The following SBF2 variants were observed in gnomAD, a reference collection of about 807,000 sequenced individuals.
SBF2 encodes the protein SET binding factor 2, also known as myotubularin-related protein 13.
SBF2 carries 112 observed loss-of-function variants against 225.2 expected under a neutral mutation model. The observed-to-expected ratio is 0.50, with a 90% CI of 0.43 to 0.58. The LOEUF is 0.58. Among genes scored for constraint, SBF2 ranks in the 20% least tolerant of loss-of-function variants. The pLI, the probability that SBF2 is intolerant of heterozygous loss-of-function variation, is 0.00. For synonymous variants in SBF2, 763 were observed against 773.3 expected (o/e 0.99, Z 0.22); for missense variants, 1,996 against 2,206.2 (o/e 0.90, Z 1.91).
At chr11:9,848,558 G>A (rs527246032) in intron 22 of SBF2, among the ~76,000 whole-genome samples, 5 of 152,122 alleles carry the variant, frequency 3.3e-5, no homozygotes, top group African/African-American at 9.6e-5. Flanking sequence ...TTCACACTAC[G>A]CATAACTTCA....
intron 17 of SBF2, among the ~76,000 whole-genome samples, chr11:9,884,568 G>A (rs761887541): frequency 6.1e-4 from 93 of 152,238 alleles, no homozygotes; most frequent in Non-Finnish European, 8.5e-4. Context: ...TTTTGGTGGC[G>A]TACTTTCTCC....
chr11:10,038,534 C>A (rs1191507940), intron 3 of SBF2, among the ~76,000 whole-genome samples: 2 of 151,846 alleles, frequency 1.3e-5, no homozygotes, highest in Non-Finnish European at 2.9e-5. Flanking sequence ...TTCCAGTTGC[C>A]TAGTCTGCAA....
intron 26 of SBF2, among the ~76,000 whole-genome samples, chr11:9,832,737 G>C (rs1174852007): frequency 6.6e-6 from 1 of 151,944 alleles, no homozygotes; most frequent in Non-Finnish European, 1.5e-5. Flanking sequence ...CATTGTGCCT[G>C]GCCAACATAT....
At chr11:10,222,124 A>G (rs1958362276) in intron 1 of SBF2, among the ~76,000 whole-genome samples, 1 of 152,212 alleles carries the variant, frequency 6.6e-6, no homozygotes, top group Non-Finnish European at 1.5e-5. Context: ...CAGAGCTTGC[A>G]GTTTTTGTCC....
intron 19 of SBF2, among the ~76,000 whole-genome samples, chr11:9,854,164 A>T (rs1250970859): frequency 6.6e-6 from 1 of 152,194 alleles, no homozygotes; most frequent in African/African-American, 2.4e-5. Flanking sequence ...CCTGGTAGGC[A>T]AAGTAAGAGA....
chr11:9,910,716 CT>C (rs1227500744), intron 16 of SBF2, among the ~76,000 whole-genome samples: 2 of 149,998 alleles, frequency 1.3e-5, no homozygotes, highest in Non-Finnish European at 1.5e-5. Context: ...AAAAAAACAA[CT>C]TTTTTTTACT....
At chr11:10,147,680 C>T (rs541768191) in intron 2 of SBF2, among the ~76,000 whole-genome samples, 2 of 152,072 alleles carry the variant, frequency 1.3e-5, no homozygotes, top group South Asian at 4.2e-4. Context: ...ATAAATTTAC[C>T]TATATAAAAA....
chr11:9,834,937 AAGATCT>A (rs1347899819), intron 26 of SBF2, among the ~76,000 whole-genome samples: 1 of 152,158 alleles, frequency 6.6e-6, no homozygotes, highest in Non-Finnish European at 1.5e-5. Context: ...TGTTACATAC[AAGATCT>A]ATGGCTCTCT....
intron 2 of SBF2, among the ~76,000 whole-genome samples, chr11:10,055,524 T>TACACACAC (rs3993326): frequency 1.4e-4 from 19 of 133,742 alleles, no homozygotes; most frequent in East Asian, 1.3e-3. Context: ...AAGAAAATGA[T>TACACACAC]ACACACACAC....
At chr11:9,968,991 G>A (rs1867149163) in intron 13 of SBF2, among the ~76,000 whole-genome samples, 1 of 151,778 alleles carries the variant, frequency 6.6e-6, no homozygotes, top group Admixed American at 6.6e-5. Context: ...ATACCCACAT[G>A]TTTAACTCTC....
intron 17 of SBF2, among the ~76,000 whole-genome samples, chr11:9,862,668 T>C (rs1458753785): frequency 6.6e-6 from 1 of 152,214 alleles, no homozygotes; most frequent in Admixed American, 6.5e-5. Context: ...GTAGCAGTAA[T>C]TTTAGTAAAC....
chr11:9,808,649 C>T (rs1853987696), intron 31 of SBF2: 1 of 442,226 alleles, frequency 2.3e-6, no homozygotes, highest in East Asian at 4.7e-5. Context: ...TGGTCAAGGG[C>T]TCCATCCGCA....
intron 2 of SBF2, among the ~76,000 whole-genome samples, chr11:10,155,346 G>A (rs376196643): frequency 1.3e-5 from 2 of 151,292 alleles, no homozygotes; most frequent in African/African-American, 2.4e-5. Context: ...ATTAAATTTT[G>A]TAACACTGTT....
At chr11:10,100,165 A>G (rs1206620638) in intron 2 of SBF2, among the ~76,000 whole-genome samples, 2 of 152,248 alleles carry the variant, frequency 1.3e-5, no homozygotes, top group Non-Finnish European at 2.9e-5. Context: ...CATTTTGTAA[A>G]AATGGAAACC....
intron 3 of SBF2, among the ~76,000 whole-genome samples, chr11:10,036,583 T>C (rs1285009050): frequency 6.6e-6 from 1 of 152,206 alleles, no homozygotes; most frequent in Non-Finnish European, 1.5e-5. Context: ...ATTTAAAATC[T>C]ATGCTACCTA....
At chr11:9,908,851 ATTTT>A (rs34026186) in intron 16 of SBF2, among the ~76,000 whole-genome samples, 1 of 125,364 alleles carries the variant, frequency 8.0e-6, no homozygotes. Context: ...CGCATGGCTA[ATTTT>A]TTTTTTTTTT....
chr11:10,033,513 G>A (rs1214427087), intron 3 of SBF2, among the ~76,000 whole-genome samples: 2 of 151,944 alleles, frequency 1.3e-5, no homozygotes, highest in African/African-American at 2.4e-5. Context: ...TTTTTATTAC[G>A]ATGTTGACTT....
At chr11:10,224,775 T>C (rs1958474531) in intron 1 of SBF2, among the ~76,000 whole-genome samples, 1 of 152,320 alleles carries the variant, frequency 6.6e-6, no homozygotes, top group Non-Finnish European at 1.5e-5. Context: ...TCTAACACTA[T>C]ATTTTCCCTT....
At chr11:9,912,634 A>G (rs1027554004) in intron 16 of SBF2, among the ~76,000 whole-genome samples, 1 of 152,328 alleles carries the variant, frequency 6.6e-6, no homozygotes, top group East Asian at 1.9e-4. Context: ...AGTGTATTTT[A>G]TCTGTGGCCC....
Sources: gnomAD v4.1 joint callset for allele counts (sites outside exome capture counted in the v4.1 genomes callset) on GRCh38, gnomAD v4.1.1 for gene constraint, MANE v1.5 for transcripts, NCBI Gene and HGNC (gene_info 2026-07-23, HGNC 2026-07-21) for gene names.